The following NAAA variants were observed in gnomAD, a reference collection of about 807,000 sequenced individuals.
NAAA encodes the protein N-acylethanolamine-hydrolyzing acid amidase.
Under a neutral mutation model 44.8 loss-of-function variants are expected in NAAA, and 39 were observed. The ratio of observed to expected loss-of-function variants is 0.87; its 90% confidence interval spans 0.67 to 1.14. NAAA has a LOEUF of 1.14. Among genes scored for constraint, NAAA ranks in the 50% most tolerant of loss-of-function variants. NAAA has a pLI of 0.00. For missense variants in NAAA, 460 were observed against 467.8 expected (o/e 0.98, Z 0.15); for synonymous variants, 178 against 191.3 (o/e 0.93, Z 0.58).
At chr4:75,919,672 G>C in intron 8 of NAAA, 1 of 571,818 alleles carries the variant, frequency 1.7e-6, no homozygotes, top group South Asian at 2.2e-5. Context: ...TAGAGACAGG[G>C]TTTCACTGTG....
At chr4:75,936,413 A>G (rs2149285931) in intron 2 of NAAA, among the ~76,000 whole-genome samples, 178 bp from the exon 3 acceptor site, 1 of 152,344 alleles carries the variant, frequency 6.6e-6, no homozygotes, top group East Asian at 1.9e-4. Context: ...GAAAAACACA[A>G]CTGGATACAA....
chr4:75,935,961 A>G (rs1727667579), intron 3 of NAAA, 148 bp downstream of exon 3: 1 of 862,280 alleles, frequency 1.2e-6, no homozygotes, highest in African/African-American at 1.7e-5. Context: ...ATTGATGCAA[A>G]CCTCTCTTCT....
chr4:75,924,153 G>A (rs994802804), intron 5 of NAAA, among the ~76,000 whole-genome samples: 19 of 152,068 alleles, frequency 1.2e-4, no homozygotes, highest in South Asian at 4.1e-4. Flanking sequence ...TGGTGTGTCC[G>A]CATTCTAGTT....
At chr4:75,931,924 G>A (rs1378339399) in intron 3 of NAAA, among the ~76,000 whole-genome samples, 1 of 152,206 alleles carries the variant, frequency 6.6e-6, no homozygotes, top group East Asian at 1.9e-4. Context: ...AGCAAGTGGA[G>A]TCTTACTTTA....
Position 75,919,900 on chromosome 4 carries a change from A to T in NAAA, c.969+9T>A. 1.2e-6 allele frequency: 2 copies of T among 1,609,966 alleles called. No individual in the cohort carries two copies. Among genetic ancestry groups the T allele is most frequent in the Non-Finnish European group, 1.7e-6 (2 of 1,176,206 alleles). On this transcript the variant is annotated intron_variant, in intron 8 of 10. Transcript: ENST00000286733. The stretch of plus-strand genomic sequence containing the variant: ...TCCTAGGTATGCAGGACACTGTGAC[A>T]CAAGTTACCTGGAAAAGTGCCTCCA...
chr4:75,916,426 C>T (rs1186619363), intron 9 of NAAA: 1 of 152,162 alleles, frequency 6.6e-6, no homozygotes, highest in African/African-American at 2.4e-5. Context: ...AAAAACACTA[C>T]TTGGTAAACT....
intron 5 of NAAA, among the ~76,000 whole-genome samples, chr4:75,922,977 G>A (rs1726315040): frequency 6.6e-6 from 1 of 151,808 alleles, no homozygotes; most frequent in Admixed American, 6.6e-5. Context: ...TCTATCTCAG[G>A]AAATGGAGGA....
At chr4:75,917,086 T>G in intron 9 of NAAA, 1 of 956,290 alleles carries the variant, frequency 1.0e-6, no homozygotes, top group Non-Finnish European at 1.2e-6. Flanking sequence ...GCCAGATATA[T>G]TCATCACTTC....
At chr4:75,915,326 G>C (rs1034600564) in intron 9 of NAAA, among the ~76,000 whole-genome samples, 7 of 152,080 alleles carry the variant, frequency 4.6e-5, no homozygotes, top group Non-Finnish European at 7.4e-5. Context: ...TCCAGCCTGG[G>C]CAACAGAGTG....
At chr4:75,912,800 A>T (rs969905225), downstream of NAAA, among the ~76,000 whole-genome samples, 1 of 152,150 alleles carries the variant, frequency 6.6e-6, no homozygotes, top group Non-Finnish European at 1.5e-5. Flanking sequence ...ATGAGTAGAA[A>T]TTTCTAGTTT....
chr4:75,932,664 C>CA (rs1360512373), intron 3 of NAAA, among the ~76,000 whole-genome samples: 1 of 151,656 alleles, frequency 6.6e-6, no homozygotes, highest in African/African-American at 2.4e-5. Context: ...TAAATATATA[C>CA]AAAATTTTTT....
rs35739236 is a variant in NAAA, at chr4:75,916,778, C to CTTTTTTT, written c.999-1800_999-1794dup. ...TTTTTAAAAGATATATTCATCACTTCTTTTTTTTTTTTTTTTTTTTTTTTT... is the reference window on the plus strand; with the variant it reads ...TTTTTAAAAGATATATTCATCACTTCTTTTTTTTTTTTTTTTTTTTTTTTTTTTTTTT... On this transcript the variant is annotated intron_variant, in intron 9 of 10. Transcript: ENST00000286733. Among the ~76,000 whole-genome samples the CTTTTTTT allele has an allele frequency of 1.6e-4, 12 of 76,936 alleles. 1 individual carries two copies. Among genetic ancestry groups the CTTTTTTT allele is most frequent in the African/African-American group, 5.7e-4 (12 of 21,122 alleles). 50.5% of individuals were successfully genotyped at this position (76,936 alleles called of 152,430 possible).
chr4:75,936,099 C>G lies in NAAA; in HGVS notation c.498+10G>C. 2 of 1,613,574 alleles carry G rather than the reference C, an allele frequency of 1.2e-6. No individual in the cohort carries two copies. The highest frequency in any genetic ancestry group is 1.7e-6 in the Non-Finnish European group (2 of 1,179,884). Reference sequence around the variant, plus strand: ...TTCTGATTTTTTATCTTATATGGTACGGATTATACCTGCCCATTCTTTAAG... The same window carrying G: ...TTCTGATTTTTTATCTTATATGGTAGGGATTATACCTGCCCATTCTTTAAG... On this transcript the variant is annotated intron_variant, in intron 3 of 10. Transcript: ENST00000286733.
intron 10 of NAAA, 68 bp downstream of exon 10, chr4:75,914,800 C>T: frequency 8.8e-7 from 1 of 1,138,490 alleles, no homozygotes. Context: ...AAGGATGTTA[C>T]CACCCTCTGT....
chr4:75,915,530 G>T (rs545976505), intron 9 of NAAA, among the ~76,000 whole-genome samples: 9 of 152,034 alleles, frequency 5.9e-5, no homozygotes, highest in African/African-American at 2.2e-4. Flanking sequence ...CTCTCTCAGT[G>T]GCCATGCACC....
At position 75,921,032 on chromosome 4, in the gene NAAA, G is replaced by T. The variant is rs200736029; in HGVS notation, c.758C>A (p.Thr253Lys). ...GATGACCACCCCCTCCCGGGGGGACGTGCCACCAACAATGTAATAAACATC... is the reference window on the plus strand; with the variant it reads ...GATGACCACCCCCTCCCGGGGGGACTTGCCACCAACAATGTAATAAACATC... ...IADVYYIVGGTSPREGVVITR... is the reference protein window; with the variant it reads ...IADVYYIVGGKSPREGVVITR... The change falls in exon 6 of 11, where the codon ACG (threonine) becomes AAG (lysine). Residue 253 changes from threonine to lysine, a missense_variant. Transcript: ENST00000286733. The T allele has an allele frequency of 3.1e-6, 5 of 1,607,742 alleles. No individual in the cohort carries two copies. The East Asian group carries it at 8.9e-5, about 29-fold the overall frequency.
chr4:75,918,639 A>G (rs1055920972), intron 9 of NAAA, 122 bp downstream of exon 9: 1 of 982,474 alleles, frequency 1.0e-6, no homozygotes, highest in South Asian at 1.4e-5. Flanking sequence ...GAGTGCCCCC[A>G]CAGGAGTGCC....
chr4:75,918,457 GA>G (rs371842351), intron 9 of NAAA, among the ~76,000 whole-genome samples: 12 of 147,950 alleles, frequency 8.1e-5, no homozygotes, highest in African/African-American at 1.2e-4. Context: ...TCTGGCTCAA[GA>G]AAAAAAAAAA....
At chr4:75,925,298 G>A (rs1303102933) in intron 5 of NAAA, among the ~76,000 whole-genome samples, 3 of 152,182 alleles carry the variant, frequency 2.0e-5, no homozygotes, top group Non-Finnish European at 4.4e-5. Flanking sequence ...GCCTCCCAAA[G>A]TGCTGGGATT....
Sources: gnomAD v4.1 joint callset for allele counts (sites outside exome capture counted in the v4.1 genomes callset) on GRCh38, gnomAD v4.1.1 for gene constraint, MANE v1.5 for transcripts, NCBI Gene and HGNC (gene_info 2026-07-23, HGNC 2026-07-21) for gene names.